PDE1C: variants seen among roughly 807,000 people sequenced by gnomAD.
PDE1C encodes the protein dual specificity calcium/calmodulin-dependent 3',5'-cyclic nucleotide phosphodiesterase 1C.
In PDE1C, 62 loss-of-function variants were observed where a neutral mutation model predicts 93.1. That is an observed-to-expected ratio of 0.67 (90% CI 0.54 to 0.82). The LOEUF (loss-of-function observed/expected upper bound fraction) is 0.82, where lower values mean the gene tolerates loss of function less well. Ranked by LOEUF, PDE1C falls within the 40% of genes least tolerant of loss-of-function variation. PDE1C has a pLI of 0.00. For synonymous variants in PDE1C, 325 were observed against 310.1 expected (o/e 1.05, Z -0.50); for missense variants, 742 against 884.6 (o/e 0.84, Z 2.04).
intron 1 of PDE1C, among the ~76,000 whole-genome samples, chr7:32,057,074 G>C (rs983488943): frequency 6.6e-6 from 1 of 152,166 alleles, no homozygotes; most frequent in Non-Finnish European, 1.5e-5. Flanking sequence ...CAGGAGAAAA[G>C]AAAGTAAAAC....
At chr7:31,653,086 C>T in the PDE1C span, 19 of 805,406 alleles carry the variant, frequency 2.4e-5, no homozygotes, top group South Asian at 4.7e-4. Flanking sequence ...CTCTGCCCTG[C>T]TAGAACTTAC....
At chr7:32,051,081 G>C (rs1305293741) in intron 2 of PDE1C, among the ~76,000 whole-genome samples, 1 of 152,174 alleles carries the variant, frequency 6.6e-6, no homozygotes, top group Non-Finnish European at 1.5e-5. Flanking sequence ...CCTTTCCACA[G>C]TCAAATCGAA....
chr7:32,197,074 A>G (rs1256959478), intron 2 of PDE1C, among the ~76,000 whole-genome samples: 1 of 152,154 alleles, frequency 6.6e-6, no homozygotes, highest in Non-Finnish European at 1.5e-5. Context: ...TTTTTTTGTG[A>G]TGACAATTTT....
chr7:31,631,423 C>T, the PDE1C span, among the ~76,000 whole-genome samples: 1 of 152,006 alleles, frequency 6.6e-6, no homozygotes, highest in Non-Finnish European at 1.5e-5. Flanking sequence ...AACAAAATGC[C>T]CTAAATACAT....
intron 2 of PDE1C, among the ~76,000 whole-genome samples, chr7:31,964,325 G>A (rs959418339): frequency 2.0e-5 from 3 of 152,334 alleles, no homozygotes; most frequent in Middle Eastern, 3.4e-3. Context: ...CACCTGGCTT[G>A]GAGGGTCCTA....
intron 9 of PDE1C, among the ~76,000 whole-genome samples, chr7:31,846,063 G>A: frequency 6.6e-6 from 1 of 151,984 alleles, no homozygotes; most frequent in South Asian, 2.1e-4. Context: ...ATACATCATG[G>A]TTTTGAAGGA....
rs533890550 is a variant in PDE1C at position 32,271,948 on chromosome 7, G to GT, written c.85+26702dup. The stretch of plus-strand genomic sequence containing the variant: ...AGGAACTCCTGGGGTGTTGCAACCC[G>GT]TTTTTTCTGCCATTGGGTTAGTTAC... On this transcript the variant is annotated intron_variant, in intron 1 of 18. Coordinates refer to the PDE1C transcript ENST00000396193. Among the ~76,000 whole-genome samples, 117 of 152,270 alleles carry GT rather than the reference G, an allele frequency of 7.7e-4. 1 individual carries two copies. The East Asian group carries it at 0.021, about 28-fold the overall frequency.
At chr7:32,215,604 C>T (rs763762489) in intron 1 of PDE1C, among the ~76,000 whole-genome samples, 1 of 152,128 alleles carries the variant, frequency 6.6e-6, no homozygotes, top group Non-Finnish European at 1.5e-5. Flanking sequence ...AATGAGCATC[C>T]TAACCCCAGA....
intron 1 of PDE1C, among the ~76,000 whole-genome samples, chr7:32,055,751 C>T (rs1378840136): frequency 6.6e-6 from 1 of 152,212 alleles, no homozygotes; most frequent in East Asian, 1.9e-4. Context: ...GAGGGAATCT[C>T]ACTCTGTCGC....
At chr7:31,746,960 C>G (rs1794020293), downstream of PDE1C, among the ~76,000 whole-genome samples, 1 of 152,146 alleles carries the variant, frequency 6.6e-6, no homozygotes, top group Non-Finnish European at 1.5e-5. Flanking sequence ...GTCAGCTCTT[C>G]TCCTAGAAAG....
chr7:31,900,033 C>A (rs190318432), intron 2 of PDE1C, among the ~76,000 whole-genome samples: 23 of 152,280 alleles, frequency 1.5e-4, no homozygotes, highest in Non-Finnish European at 2.5e-4. Context: ...CAAGAAACCT[C>A]ACTCCAAGAA....
At chr7:32,051,871 G>C (rs1793427178) in intron 1 of PDE1C, among the ~76,000 whole-genome samples, 2 of 152,090 alleles carry the variant, frequency 1.3e-5, no homozygotes, top group Non-Finnish European at 2.9e-5. Flanking sequence ...TTTAGTTGAG[G>C]TCAGGCTTTA....
intron 2 of PDE1C, among the ~76,000 whole-genome samples, chr7:32,184,350 CG>C (rs1174102430): frequency 6.6e-6 from 1 of 152,124 alleles, no homozygotes; most frequent in Non-Finnish European, 1.5e-5. Flanking sequence ...CATGCACACA[CG>C]TATGTTTATT....
At chr7:31,817,669 G>A (rs1175346455) in intron 14 of PDE1C, among the ~76,000 whole-genome samples, 2 of 152,080 alleles carry the variant, frequency 1.3e-5, no homozygotes, top group Non-Finnish European at 2.9e-5. Context: ...TCATTATCAG[G>A]TGTTTACTTT....
Position 32,320,589 on chromosome 7 carries a change from C to T in PDE1C, c.310+107233G>A, listed in dbSNP as rs372926864. Among the ~76,000 whole-genome samples, 18 of 152,008 alleles carry T rather than the reference C, an allele frequency of 1.2e-4. No homozygotes were observed. The East Asian group carries it at 1.9e-3, about 16-fold the overall frequency. On this transcript the variant is annotated intron_variant, in intron 1 of 1. Coordinates refer to the PDE1C transcript ENST00000672256. ...AGGAATATTGTCACACTTTCAACTG[C>T]ATGTGCCCCCACCAGGTGCTTAGGC...
chr7:32,177,774 GT>G (rs1213825332), intron 2 of PDE1C, among the ~76,000 whole-genome samples: 1 of 152,144 alleles, frequency 6.6e-6, no homozygotes, highest in Non-Finnish European at 1.5e-5. Flanking sequence ...ATGGTATGAT[GT>G]GCCCCTTCTC....
intron 2 of PDE1C, among the ~76,000 whole-genome samples, chr7:31,928,751 C>A (rs79826542): frequency 0.011 from 1,747 of 152,188 alleles, 28 homozygotes; most frequent in African/African-American, 0.04. Context: ...ATTTTATCAC[C>A]ACCAGCCTGC....
chr7:32,059,846 C>A (rs1387510323), intron 1 of PDE1C, among the ~76,000 whole-genome samples: 1 of 152,166 alleles, frequency 6.6e-6, no homozygotes, highest in African/African-American at 2.4e-5. Flanking sequence ...TGTGGAAGCC[C>A]AAGTAGTACG....
chr7:32,197,906 T>C (rs1804729918), intron 2 of PDE1C, among the ~76,000 whole-genome samples: 1 of 152,232 alleles, frequency 6.6e-6, no homozygotes, highest in Non-Finnish European at 1.5e-5. Context: ...TCCATAAATA[T>C]ATGAAAAATC....
Sources: allele counts gnomAD v4.1 joint callset (sites outside exome capture counted in the v4.1 genomes callset), GRCh38; gene constraint gnomAD v4.1.1; transcripts MANE v1.5; gene names NCBI Gene and HGNC (gene_info 2026-07-23, HGNC 2026-07-21).